SLCO3A1: variants seen among roughly 807,000 people sequenced by gnomAD.
SLCO3A1 encodes the protein PGE1 transporter.
A neutral mutation model predicts 63.1 loss-of-function variants in SLCO3A1; 27 were observed. The ratio of observed to expected loss-of-function variants is 0.43; its 90% CI spans 0.32 to 0.59. SLCO3A1 has a LOEUF of 0.59. Among genes scored for constraint, SLCO3A1 ranks in the 20% least tolerant of loss-of-function variants. The pLI, the probability that SLCO3A1 is intolerant of heterozygous loss-of-function variation, is 0.09. For synonymous variants in SLCO3A1, 473 were observed against 409.9 expected (o/e 1.15, Z -1.86); for missense variants, 773 against 945.8 (o/e 0.82, Z 2.40).
chr15:92,147,913 GTACTCTACACAAA>G (rs1334567164), intron 8 of SLCO3A1, among the ~76,000 whole-genome samples: 6 of 152,194 alleles, frequency 3.9e-5, no homozygotes, highest in Non-Finnish European at 8.8e-5. Flanking sequence ...TCAGGGGAAG[GTACTCTACACAAA>G]GACTCATCAG....
intron 1 of SLCO3A1, among the ~76,000 whole-genome samples, chr15:91,855,208 T>C (rs1896883898): frequency 6.6e-6 from 1 of 152,202 alleles, no homozygotes. Context: ...ATGCTATGAT[T>C]AATCCCTCAT....
chr15:91,957,100 TA>T (rs1320282450), intron 2 of SLCO3A1, among the ~76,000 whole-genome samples: 3 of 406 alleles, frequency 7.4e-3, no homozygotes, highest in East Asian at 0.062. Context: ...ATAATATATA[TA>T]ATATATATAT....
At chr15:92,022,071 G>A (rs1277877614) in intron 2 of SLCO3A1, among the ~76,000 whole-genome samples, 1 of 152,234 alleles carries the variant, frequency 6.6e-6, no homozygotes, top group African/African-American at 2.4e-5. Flanking sequence ...TGAAACCAGA[G>A]TTCCCATCTG....
At chr15:91,899,140 A>G (rs1051863238) in intron 1 of SLCO3A1, among the ~76,000 whole-genome samples, 4 of 152,136 alleles carry the variant, frequency 2.6e-5, no homozygotes, top group Non-Finnish European at 5.9e-5. Context: ...CTGCAAATGT[A>G]CCCCAGAAAC....
At chr15:92,003,818 T>C (rs1257180744) in intron 2 of SLCO3A1, among the ~76,000 whole-genome samples, 2 of 152,094 alleles carry the variant, frequency 1.3e-5, no homozygotes, top group African/African-American at 4.8e-5. Flanking sequence ...AGGCTGTGGG[T>C]CGGATCACAG....
At chr15:92,032,361 G>A (rs2046661799) in intron 2 of SLCO3A1, among the ~76,000 whole-genome samples, 1 of 152,090 alleles carries the variant, frequency 6.6e-6, no homozygotes, top group Non-Finnish European at 1.5e-5. Flanking sequence ...GGTCCTCAAG[G>A]AAAATGAGGA....
intron 2 of SLCO3A1, among the ~76,000 whole-genome samples, chr15:91,974,265 GTTATTATTATTA>G (rs56317875): frequency 4.2e-5 from 6 of 142,958 alleles, no homozygotes; most frequent in Admixed American, 1.4e-4. Context: ...TTTCATTATT[GTTATTATTATTA>G]TTATTATTAT....
At chr15:91,993,490 A>T (rs2046152497) in intron 2 of SLCO3A1, among the ~76,000 whole-genome samples, 1 of 152,208 alleles carries the variant, frequency 6.6e-6, no homozygotes, top group Admixed American at 6.5e-5. Context: ...AGGAGAGCCA[A>T]ATGGAACTTG....
At chr15:92,099,351 T>C (rs925620779) in intron 3 of SLCO3A1, among the ~76,000 whole-genome samples, 3 of 152,148 alleles carry the variant, frequency 2.0e-5, no homozygotes, top group Non-Finnish European at 2.9e-5. Context: ...CTGTCTCCAG[T>C]TTCTAATTAG....
intron 2 of SLCO3A1, among the ~76,000 whole-genome samples, chr15:91,956,496 A>T (rs1350105657): frequency 6.6e-6 from 1 of 152,090 alleles, no homozygotes; most frequent in East Asian, 1.9e-4. Flanking sequence ...AGATGAAAAA[A>T]CAACTTGGGA....
intron 1 of SLCO3A1, among the ~76,000 whole-genome samples, chr15:91,896,393 C>T (rs936138307): frequency 1.3e-5 from 2 of 152,134 alleles, no homozygotes; most frequent in African/African-American, 2.4e-5. Context: ...GGTAGGACTC[C>T]AGGTAGAAAT....
At chr15:91,974,590 G>A (rs576449826) in intron 2 of SLCO3A1, among the ~76,000 whole-genome samples, 11 of 152,020 alleles carry the variant, frequency 7.2e-5, no homozygotes, top group East Asian at 3.9e-4. Flanking sequence ...CAGGGTAGGC[G>A]TGTGCTGTGG....
chr15:91,956,493 A>G lies in SLCO3A1; in HGVS notation c.646+40035A>G, dbSNP rs1034535742. On this transcript the variant is annotated intron_variant, in intron 2 of 9. Coordinates refer to ENST00000318445, the MANE Select transcript of SLCO3A1 (RefSeq NM_013272.4). The stretch of plus-strand genomic sequence containing the variant: ...AGAGAAGCAGTTTGCAAAAGATGAA[A>G]AAACAACTTGGGATAAATGGCTCAT... Among the ~76,000 whole-genome samples, 54 of 152,156 alleles carry G rather than the reference A, an allele frequency of 3.5e-4. 1 individual carries two copies. The highest frequency in any genetic ancestry group is 3.5e-3 in the Admixed American group (53 of 15,274).
intron 2 of SLCO3A1, among the ~76,000 whole-genome samples, chr15:91,947,902 G>C (rs1250651233): frequency 1.3e-5 from 2 of 152,160 alleles, no homozygotes; most frequent in South Asian, 2.1e-4. Flanking sequence ...TTGACACACA[G>C]CTGCTGGCAA....
At chr15:92,073,884 C>T (rs1213257954) in intron 2 of SLCO3A1, among the ~76,000 whole-genome samples, 2 of 152,190 alleles carry the variant, frequency 1.3e-5, no homozygotes, top group Admixed American at 6.5e-5. Flanking sequence ...AACCTATGCT[C>T]GAGGTCAGGC....
intron 2 of SLCO3A1, among the ~76,000 whole-genome samples, chr15:91,952,490 G>A (rs1435171824): frequency 6.6e-6 from 1 of 152,218 alleles, no homozygotes; most frequent in African/African-American, 2.4e-5. Context: ...GAATGTTTCT[G>A]TTTGCCACCT....
chr15:91,871,485 G>C (rs1442229254), intron 1 of SLCO3A1, among the ~76,000 whole-genome samples: 2 of 152,080 alleles, frequency 1.3e-5, no homozygotes, highest in Non-Finnish European at 2.9e-5. Flanking sequence ...TCAACACCAC[G>C]GTTTATGCAT....
chr15:92,156,380 C>T (rs1005578675), intron 9 of SLCO3A1, among the ~76,000 whole-genome samples: 1 of 152,186 alleles, frequency 6.6e-6, no homozygotes, highest in African/African-American at 2.4e-5. Context: ...GATGTACCTG[C>T]ACCACCCATG....
intron 9 of SLCO3A1, chr15:92,155,243 C>CTGAGTTGGTCTAGAATCTTG (rs1436927353): frequency 3.9e-5 from 6 of 152,248 alleles, no homozygotes; most frequent in African/African-American, 1.4e-4. Flanking sequence ...CTCTCTGCTC[C>CTGAGTTGGTCTAGAATCTTG]TGAGTTGGTC....
Sources: allele counts gnomAD v4.1 joint callset (sites outside exome capture counted in the v4.1 genomes callset), GRCh38; gene constraint gnomAD v4.1.1; transcripts MANE v1.5; gene names NCBI Gene and HGNC (gene_info 2026-07-23, HGNC 2026-07-21).